PCDHA12: variants seen among roughly 807,000 people sequenced by gnomAD.
PCDHA12 encodes protocadherin alpha-12.
Under a neutral mutation model 60.0 loss-of-function variants are expected in PCDHA12, and 44 were observed. That is an observed-to-expected ratio of 0.73 (90% CI 0.58 to 0.94). PCDHA12 has a LOEUF of 0.94. PCDHA12 is among the 40% of genes least tolerant of loss of function. The pLI is 0.00. For synonymous variants in PCDHA12, 569 were observed against 553.0 expected (o/e 1.03, Z -0.40); for missense variants, 1,276 against 1,239.7 (o/e 1.03, Z -0.44).
intron 1 of PCDHA12, among the ~76,000 whole-genome samples, chr5:140,950,272 C>G (rs928839890): frequency 2.0e-5 from 3 of 151,950 alleles, no homozygotes; most frequent in Non-Finnish European, 4.4e-5. Flanking sequence ...TCCATAATGT[C>G]TTTTTGCTTC....
chr5:140,882,539 G>C (rs1303287274), intron 1 of PCDHA12: 2 of 1,614,110 alleles, frequency 1.2e-6, no homozygotes. Context: ...TTCTCGGATC[G>C]ACCGCGAGGA....
chr5:140,906,720 G>A (rs2072884338), intron 1 of PCDHA12, among the ~76,000 whole-genome samples: 1 of 152,182 alleles, frequency 6.6e-6, no homozygotes, highest in African/African-American at 2.4e-5. Context: ...CCTGGATTGT[G>A]CTGTTGTAGT....
At chr5:140,921,850 G>C (rs2080436717) in intron 1 of PCDHA12, among the ~76,000 whole-genome samples, 1 of 151,984 alleles carries the variant, frequency 6.6e-6, no homozygotes, top group African/African-American at 2.4e-5. Context: ...ATTTATAGAT[G>C]TGTGTGTATA....
intron 1 of PCDHA12, among the ~76,000 whole-genome samples, chr5:140,901,034 T>C (rs573919271): frequency 6.6e-6 from 1 of 152,240 alleles, no homozygotes; most frequent in Non-Finnish European, 1.5e-5. Context: ...TCAACTCTTT[T>C]GCCCATTTTA....
Position 140,882,762 on chromosome 5 carries a change from A to G in PCDHA12, c.2367+4923A>G, listed in dbSNP as rs2059298878. 1.9e-6 allele frequency: 3 copies of G among 1,614,200 alleles called. No individual in the cohort carries two copies. The East Asian group carries it at 6.7e-5, about 36-fold the overall frequency. On this transcript the variant is annotated intron_variant, in intron 1 of 3. Transcript: ENST00000398631. ...GCATCCGATGCAGATATTGGAGTAA[A>G]CTCGGCATTGACCTACCGACTGGAT... is the stretch of plus-strand genomic sequence containing the variant.
At chr5:141,006,774 A>G (rs1435816376) in intron 3 of PCDHA12, among the ~76,000 whole-genome samples, 8 of 152,172 alleles carry the variant, frequency 5.3e-5, no homozygotes, top group Admixed American at 3.3e-4. Flanking sequence ...AGAATAGAGA[A>G]AAATGAATAA....
At position 140,876,077 on chromosome 5, in the gene PCDHA12, G is replaced by C; in HGVS notation, c.605G>C (p.Arg202Thr). 4 of 1,613,956 alleles carry C rather than the reference G, an allele frequency of 2.5e-6. No homozygotes were observed. The highest frequency in any genetic ancestry group is 3.4e-6 in the Non-Finnish European group (4 of 1,179,896). Reference protein sequence around the residue: ...PELVLRKLLDREQTPKLNLLL... With the variant: ...PELVLRKLLDTEQTPKLNLLL... ...TTAGTTCTTCGGAAGTTATTGGACA[G>C]AGAGCAAACGCCAAAACTCAATTTA... is the stretch of plus-strand genomic sequence containing the variant. The change falls in exon 1 of 4, where the codon AGA (arginine) becomes ACA (threonine). Residue 202 changes from arginine to threonine, a missense_variant. By Grantham distance (71) the Arg-to-Thr change is moderately conservative. Transcript: ENST00000398631.
chr5:140,877,375 C>T lies in PCDHA12; in HGVS notation c.1903C>T (p.Arg635Cys), dbSNP rs782650940. The T allele has an allele frequency of 2.5e-6, 4 of 1,614,006 alleles. No individual in the cohort carries two copies. Among genetic ancestry groups the T allele is most frequent in the South Asian group, 1.1e-5 (1 of 91,086 alleles). ...GTACACTGGCGAGATCAGCACGACACGCATCCTGGATGAGGCGGACGCTCC... is the reference window on the plus strand; with the variant it reads ...GTACACTGGCGAGATCAGCACGACATGCATCCTGGATGAGGCGGACGCTCC... ...GLYTGEISTT[R>C]ILDEADAPRH... The change falls in exon 1 of 4, where the codon CGC (arginine) becomes TGC (cysteine). Residue 635 changes from arginine (R) to cysteine (C), a missense_variant. Coordinates refer to ENST00000398631, the MANE Select transcript of PCDHA12 (RefSeq NM_018903.4).
In PCDHA12 at chr5:141,011,214, T is replaced by C. The variant is rs2098419822; in HGVS notation, c.*1277T>C. On this transcript the variant is annotated 3_prime_UTR_variant, in exon 4 of 4. Transcript: ENST00000398631. ...ATTGTTTTCTCATACAGTGAGCAGA[T>C]TTTTCAATCTACTAATTCTGTGACT... 1 of 153,748 alleles carries C rather than the reference T, an allele frequency of 6.5e-6. No individual in the cohort carries two copies. Among genetic ancestry groups the C allele is most frequent in the African/African-American group, 2.4e-5 (1 of 41,448 alleles). The allele number at this position is 153,748 out of a possible 1,614,324, so 9.5% of individuals were successfully genotyped here. A position where few individuals can be genotyped will look rare whatever the true frequency, so the allele number is the denominator to read the frequency against.
At chr5:140,965,689 A>T (rs2095924180) in intron 1 of PCDHA12, among the ~76,000 whole-genome samples, 2 of 152,266 alleles carry the variant, frequency 1.3e-5, no homozygotes, top group African/African-American at 4.8e-5. Context: ...TTGAAGCAAG[A>T]TTAGAAAAAG....
chr5:141,006,356 C>T (rs1342790572), intron 3 of PCDHA12, among the ~76,000 whole-genome samples: 4 of 151,920 alleles, frequency 2.6e-5, no homozygotes, highest in South Asian at 2.1e-4. Flanking sequence ...GGACTATAGG[C>T]GCCCACCACC....
chr5:140,921,102 T>G (rs1300756897), intron 1 of PCDHA12, among the ~76,000 whole-genome samples: 1 of 152,028 alleles, frequency 6.6e-6, no homozygotes, highest in Non-Finnish European at 1.5e-5. Context: ...TGCCTCAGTC[T>G]CCTAAGTAGC....
At chr5:140,928,701 G>A (rs782369096) in intron 1 of PCDHA12, 53 of 1,614,014 alleles carry the variant, frequency 3.3e-5, no homozygotes, top group Admixed American at 2.0e-4. Context: ...TCTCCCGGGC[G>A]TCTGACTCTA....
rs1554169514 is a variant in PCDHA12, at chr5:140,877,250, A to C, written c.1778A>C (p.Lys593Thr). The change falls in exon 1 of 4, where the codon AAA becomes ACA. Residue 593 changes from lysine (K) to threonine (T), a missense_variant. By Grantham distance (78) the Lys-to-Thr change is moderately conservative. Transcript: ENST00000398631. The part of the protein sequence containing the change: ...RSVGAGHVVA[K>T]VRAVDADSGY... Reference sequence around the variant, plus strand: ...GTGGGTGCGGGCCACGTGGTGGCGAAAGTGCGCGCGGTGGACGCTGACTCC... The same window carrying C: ...GTGGGTGCGGGCCACGTGGTGGCGACAGTGCGCGCGGTGGACGCTGACTCC... 1.9e-6 allele frequency: 3 copies of C among 1,613,668 alleles called. No homozygotes were observed. In the African/African-American group the frequency reaches 4.0e-5, roughly 22 times the overall value.
In PCDHA12 at chr5:141,009,718, A is replaced by G. The variant is rs2098413942; in HGVS notation, c.2607A>G (p.Gln869=). Residue 869 remains glutamine, a synonymous_variant, in exon 4 of 4, where the codon CAA becomes CAG. Transcript: ENST00000398631. ...TFKYGPGNPK[Q]SGPGELPDKF... ...AATACGGACCAGGCAACCCCAAACA[A>G]TCCGGTCCCGGTGAGTTGCCCGACA... The G allele has an allele frequency of 1.2e-6, 2 of 1,614,044 alleles. No homozygotes were observed. The highest frequency in any genetic ancestry group is 1.1e-5 in the South Asian group (1 of 91,052).
intron 1 of PCDHA12, among the ~76,000 whole-genome samples, chr5:140,914,381 T>C (rs192645626): frequency 1.7e-4 from 26 of 152,352 alleles, no homozygotes; most frequent in Admixed American, 2.6e-4. Flanking sequence ...TTATCTGTTA[T>C]AAGTGTAGTT....
chr5:140,958,799 C>T (rs889190378), intron 1 of PCDHA12, among the ~76,000 whole-genome samples: 3 of 152,104 alleles, frequency 2.0e-5, no homozygotes, highest in African/African-American at 7.2e-5. Context: ...AGTAAATTAT[C>T]ACACCATTCT....
intron 1 of PCDHA12, chr5:140,882,692 A>G (rs998224514): frequency 6.2e-7 from 1 of 1,614,204 alleles, no homozygotes; most frequent in South Asian, 1.1e-5. Context: ...ACGAATAATC[A>G]TTGCAGAATC....
chr5:140,898,018 C>G (rs1189161004), intron 1 of PCDHA12, among the ~76,000 whole-genome samples: 1 of 152,062 alleles, frequency 6.6e-6, no homozygotes, highest in African/African-American at 2.4e-5. Flanking sequence ...TATCCTTTGC[C>G]CACTTTTTGA....
Sources: gnomAD v4.1 joint callset for allele counts (sites outside exome capture counted in the v4.1 genomes callset) on GRCh38, gnomAD v4.1.1 for gene constraint, MANE v1.5 for transcripts, NCBI Gene and HGNC (gene_info 2026-07-23, HGNC 2026-07-21) for gene names.